The following EPHA7 variants were observed in gnomAD, a reference collection of about 807,000 sequenced individuals.
EPHA7 encodes the protein EPH receptor A7.
In EPHA7, 25 loss-of-function variants were observed where a neutral mutation model predicts 112.6. The observed-to-expected ratio is 0.22, with a 90% CI of 0.16 to 0.31. EPHA7 has a LOEUF of 0.31. Among genes scored for constraint, EPHA7 ranks in the 10% least tolerant of loss-of-function variants. The probability of loss-of-function intolerance (pLI) is 1.00; values close to 1 mark genes in which losing one functional copy is unlikely to be tolerated. For missense variants in EPHA7, 962 were observed against 1,212.6 expected (o/e 0.79, Z 3.07); for synonymous variants, 437 against 406.5 (o/e 1.07, Z -0.90).
chr6:93,314,316 A>T (rs150924286), intron 5 of EPHA7, among the ~76,000 whole-genome samples: 1 of 152,138 alleles, frequency 6.6e-6, no homozygotes, highest in East Asian at 1.9e-4. Flanking sequence ...TTAATCATTT[A>T]TGTATTATTT....
At chr6:93,370,628 G>A (rs1207495828) in intron 3 of EPHA7, among the ~76,000 whole-genome samples, 1 of 151,948 alleles carries the variant, frequency 6.6e-6, no homozygotes, top group Non-Finnish European at 1.5e-5. Flanking sequence ...TTTATTATGA[G>A]CATAAATACA....
At chr6:93,397,687 A>G (rs1280436388) in intron 3 of EPHA7, among the ~76,000 whole-genome samples, 2 of 151,942 alleles carry the variant, frequency 1.3e-5, no homozygotes, top group Non-Finnish European at 2.9e-5. Context: ...TCAGTTATCT[A>G]TTAACATTAA....
chr6:93,408,568 A>G (rs1490633812), intron 3 of EPHA7, among the ~76,000 whole-genome samples: 1 of 152,118 alleles, frequency 6.6e-6, no homozygotes, highest in African/African-American at 2.4e-5. Context: ...TGACTCCTTC[A>G]GGGACATAAA....
chr6:93,411,295 T>G (rs1778966701), intron 2 of EPHA7, 125 bp from the exon 3 acceptor site: 1 of 716,164 alleles, frequency 1.4e-6, no homozygotes, highest in South Asian at 1.9e-5. Flanking sequence ...CTGGCAAAAC[T>G]ATAAACCAGA....
intron 3 of EPHA7, among the ~76,000 whole-genome samples, chr6:93,391,675 T>C (rs1186425557): frequency 6.6e-6 from 1 of 151,910 alleles, no homozygotes; most frequent in Non-Finnish European, 1.5e-5. Flanking sequence ...CTCTCTCTAT[T>C]ATATTTATGA....
chr6:93,413,071 A>C (rs1410513376), intron 2 of EPHA7, among the ~76,000 whole-genome samples: 1 of 151,986 alleles, frequency 6.6e-6, no homozygotes, highest in East Asian at 1.9e-4. Flanking sequence ...CATTATGAAC[A>C]TTTCCACAAA....
intron 5 of EPHA7, among the ~76,000 whole-genome samples, chr6:93,310,377 A>T (rs564468856): frequency 6.6e-6 from 1 of 152,232 alleles, no homozygotes; most frequent in Non-Finnish European, 1.5e-5. Context: ...CTTAAAAAAC[A>T]AAACAAAGGC....
chr6:93,338,862 T>C (rs1201573240), intron 5 of EPHA7, among the ~76,000 whole-genome samples: 1 of 150,902 alleles, frequency 6.6e-6, no homozygotes, highest in Non-Finnish European at 1.5e-5. Flanking sequence ...ATCATATGTA[T>C]TATATATTGT....
At chr6:93,406,064 G>T (rs200990878) in intron 3 of EPHA7, among the ~76,000 whole-genome samples, 1 of 150,112 alleles carries the variant, frequency 6.7e-6, no homozygotes, top group Non-Finnish European at 1.5e-5. Flanking sequence ...AATAATGATA[G>T]ACCTCTTAAC....
chr6:93,296,571 G>A (rs897197051), intron 5 of EPHA7, among the ~76,000 whole-genome samples: 1 of 150,716 alleles, frequency 6.6e-6, no homozygotes, highest in Non-Finnish European at 1.5e-5. Context: ...AGGATATTAC[G>A]CTAGGAGAAA....
intron 5 of EPHA7, among the ~76,000 whole-genome samples, chr6:93,281,300 G>A (rs959975001): frequency 2.6e-5 from 4 of 151,966 alleles, no homozygotes; most frequent in Non-Finnish European, 4.4e-5. Context: ...AGAAATACAC[G>A]GATGAAGTAA....
At chr6:93,380,550 C>T (rs1777287089) in intron 3 of EPHA7, among the ~76,000 whole-genome samples, 1 of 152,026 alleles carries the variant, frequency 6.6e-6, no homozygotes, top group South Asian at 2.1e-4. Flanking sequence ...AGTTTTTACA[C>T]ATTAGTTCAG....
At chr6:93,284,284 T>C (rs188875026) in intron 5 of EPHA7, among the ~76,000 whole-genome samples, 11 of 152,294 alleles carry the variant, frequency 7.2e-5, no homozygotes, top group Non-Finnish European at 1.5e-4. Flanking sequence ...TGTTAGTTTT[T>C]GCAGAATTCT....
chr6:93,296,805 C>A (rs890048941), intron 5 of EPHA7, among the ~76,000 whole-genome samples: 2 of 151,748 alleles, frequency 1.3e-5, no homozygotes, highest in African/African-American at 4.8e-5. Flanking sequence ...AACCTTAAAC[C>A]AAGTAGTAAT....
intron 3 of EPHA7, among the ~76,000 whole-genome samples, chr6:93,400,879 A>G (rs1189820977): frequency 6.6e-6 from 1 of 152,154 alleles, no homozygotes; most frequent in African/African-American, 2.4e-5. Flanking sequence ...ATACTAATGT[A>G]ATAGATTTTT....
intron 3 of EPHA7, among the ~76,000 whole-genome samples, chr6:93,374,957 T>A (rs1776979168): frequency 6.6e-6 from 1 of 152,154 alleles, no homozygotes; most frequent in Non-Finnish European, 1.5e-5. Flanking sequence ...CTCCATAACA[T>A]ACAAAAATTT....
At position 93,243,517 on chromosome 6, in the gene EPHA7, G is replaced by T; in HGVS notation, c.2906C>A (p.Thr969Lys). 1 of 1,613,370 alleles carries T rather than the reference G, an allele frequency of 6.2e-7. No individual in the cohort carries two copies. Among genetic ancestry groups the T allele is most frequent in the Non-Finnish European group, 8.5e-7 (1 of 1,179,474 alleles). ...GATTTTCTTTTGATGACCAACCAGT[G>T]TGATCCCTAAACTCATCACATCCCT... ...TIEDVMSLGITLVGHQKKIMS... is the reference protein window; with the variant it reads ...TIEDVMSLGIKLVGHQKKIMS... Residue 969 changes from threonine (T) to lysine (K), a missense_variant, in exon 17 of 17, where the codon ACA becomes AAA. This residue lies in a region of EPHA7 where 746 missense variants were observed against 889.2 expected (regional missense o/e 0.84). Transcript: ENST00000369303.
chr6:93,373,337 T>G, intron 3 of EPHA7, among the ~76,000 whole-genome samples: 1 of 152,170 alleles, frequency 6.6e-6, no homozygotes, highest in Non-Finnish European at 1.5e-5. Context: ...ATGTTCTGTG[T>G]AAAGTAATTG....
intron 5 of EPHA7, among the ~76,000 whole-genome samples, chr6:93,336,457 C>T (rs1203262093): frequency 6.6e-6 from 1 of 152,178 alleles, no homozygotes; most frequent in African/African-American, 2.4e-5. Context: ...GGCTGGAGTG[C>T]AGTGGCACGA....
Sources: gnomAD v4.1 joint callset for allele counts (sites outside exome capture counted in the v4.1 genomes callset) on GRCh38, gnomAD v4.1.1 for gene constraint, gnomAD v4.1.1 regional missense constraint, MANE v1.5 for transcripts, NCBI Gene and HGNC (gene_info 2026-07-23, HGNC 2026-07-21) for gene names.